The following SZRD1 variants were observed in gnomAD, a reference collection of about 807,000 sequenced individuals.
SZRD1 encodes the protein SUZ RNA-binding domain-containing.
SZRD1 carries 7 observed loss-of-function variants against 17.6 expected under a neutral mutation model. The ratio of observed to expected loss-of-function variants is 0.40; its 90% CI spans 0.23 to 0.75. The LOEUF is 0.75. Ranked by LOEUF, SZRD1 falls within the 30% of genes least tolerant of loss-of-function variation. The pLI is 0.38. For missense variants in SZRD1, 178 were observed against 201.8 expected (o/e 0.88, Z 0.71); for synonymous variants, 77 against 77.9 (o/e 0.99, Z 0.06).
At position 16,393,599 on chromosome 1, in the gene SZRD1, T is replaced by A; in HGVS notation, c.356+117T>A. ...GCAAGCAGAGTCAGGGTAGGAACCA[T>A]GCAGCTCCACTTGCTGATCCCAGCC... On this transcript the variant is annotated intron_variant, in intron 3 of 3. Transcript: ENST00000401088. This position sits in a 1 kb window ranked among gnomAD's most constrained non-coding sequence, Gnocchi z 5.6. 1 of 1,151,004 alleles carries A rather than the reference T, an allele frequency of 8.7e-7. No individual in the cohort carries two copies. The allele number at this position is 1,151,004 out of a possible 1,614,324, so 71.3% of individuals were successfully genotyped here. A position where few individuals can be genotyped will look rare whatever the true frequency, so the allele number is the denominator to read the frequency against.
At position 16,389,050 on chromosome 1, in the gene SZRD1, T is replaced by TGCA. The variant is rs373744124; in HGVS notation, c.52-2324_52-2322dup. Among the ~76,000 whole-genome samples the TGCA allele has an allele frequency of 1.4e-3, 207 of 150,444 alleles. 1 individual carries two copies. The highest frequency in any genetic ancestry group is 4.9e-3 in the African/African-American group (203 of 41,022). On this transcript the variant is annotated intron_variant, in intron 1 of 3. Transcript: ENST00000401088. ...TAGCTAACCAGCTTGAACTTTGAACTGCACCCATCAACTGGAGAATAGTTA... is the reference window on the plus strand; with the variant it reads ...TAGCTAACCAGCTTGAACTTTGAACTGCAGCACCCATCAACTGGAGAATAGTTA...
rs1192599469 is a variant in SZRD1 at position 16,393,442 on chromosome 1, G to A, written c.316G>A (p.Ala106Thr). Residue 106 changes from alanine (A) to threonine (T), a missense_variant, in exon 3 of 4, where the codon GCC becomes ACC. Around this residue, in one of 3 missense-constraint regions of SZRD1, gnomAD observed 57 missense variants for 71.9 expected, o/e 0.79. Coordinates refer to ENST00000401088, the MANE Select transcript of SZRD1 (RefSeq NM_001114600.3). The surrounding 1 kb of genome is among the most constrained non-coding windows in gnomAD (Gnocchi z 5.6). ...AEARKRILGS[A>T]SPEEEQEKPI... is the part of the protein sequence containing the mutation. ...GGCCCGGAAGCGGATCCTGGGCAGCGCCAGCCCCGAGGAGGAGCAGGAGAA... is the reference window on the plus strand; with the variant it reads ...GGCCCGGAAGCGGATCCTGGGCAGCACCAGCCCCGAGGAGGAGCAGGAGAA... 4 of 1,613,636 alleles carry A rather than the reference G, an allele frequency of 2.5e-6. No individual in the cohort carries two copies. Among genetic ancestry groups the A allele is most frequent in the East Asian group, 2.2e-5 (1 of 44,874 alleles).
chr1:16,373,602 A>C (rs1569999105), intron 1 of SZRD1, among the ~76,000 whole-genome samples: 10 of 144,480 alleles, frequency 6.9e-5, no homozygotes, highest in Admixed American at 6.8e-5. Context: ...AAAACAAAAC[A>C]CGTTTTTTTT....
chr1:16,383,912 C>G (rs2083147975), intron 1 of SZRD1, among the ~76,000 whole-genome samples: 1 of 152,210 alleles, frequency 6.6e-6, no homozygotes, highest in Non-Finnish European at 1.5e-5. Flanking sequence ...GCCACCGCGG[C>G]TGGCCAGTTT....
chr1:16,382,190 T>G (rs1488736965), intron 1 of SZRD1, among the ~76,000 whole-genome samples: 2 of 141,006 alleles, frequency 1.4e-5, no homozygotes, highest in African/African-American at 2.9e-5. Context: ...CATGGGTGGG[T>G]TTTTTTTTTC....
At chr1:16,390,485 C>T (rs1557630849) in intron 1 of SZRD1, 1 of 152,180 alleles carries the variant, frequency 6.6e-6, no homozygotes. Flanking sequence ...TTAATCAAGA[C>T]CTGTCAGGCT....
chr1:16,374,166 T>C (rs1006003633), intron 1 of SZRD1, among the ~76,000 whole-genome samples: 3 of 152,210 alleles, frequency 2.0e-5, no homozygotes, highest in African/African-American at 7.2e-5. Context: ...ATTTAAGATT[T>C]GTGGTATCAC....
At chr1:16,389,182 C>T (rs938265111) in intron 1 of SZRD1, among the ~76,000 whole-genome samples, 1 of 146,914 alleles carries the variant, frequency 6.8e-6, no homozygotes, top group Non-Finnish European at 1.5e-5. Flanking sequence ...CTCCCAGGTT[C>T]ACGCCATCCT....
intron 1 of SZRD1, among the ~76,000 whole-genome samples, chr1:16,375,946 G>A (rs192497152): frequency 3.9e-5 from 6 of 152,166 alleles, no homozygotes; most frequent in Admixed American, 2.0e-4. Flanking sequence ...TAGTGTTTCT[G>A]CTATCTAGTT....
At chr1:16,379,856 G>A (rs2083068429) in intron 1 of SZRD1, among the ~76,000 whole-genome samples, 1 of 151,082 alleles carries the variant, frequency 6.6e-6, no homozygotes, top group Admixed American at 6.6e-5. Context: ...TGCCTCTCGG[G>A]TTCAAGCAAT....
intron 1 of SZRD1, among the ~76,000 whole-genome samples, chr1:16,377,882 C>G (rs1310937841): frequency 3.3e-5 from 5 of 152,298 alleles, no homozygotes; most frequent in Non-Finnish European, 7.3e-5. Flanking sequence ...AGTGTAGCCT[C>G]TATCTGGTTT....
intron 1 of SZRD1, among the ~76,000 whole-genome samples, chr1:16,389,388 C>T (rs145622735): frequency 0.027 from 4,048 of 151,036 alleles, 177 homozygotes; most frequent in African/African-American, 0.092. Context: ...CCTCAGCCTT[C>T]TGAGTAGCTG....
At chr1:16,392,368 AT>A (rs1419023263) in intron 2 of SZRD1, among the ~76,000 whole-genome samples, 2 of 152,156 alleles carry the variant, frequency 1.3e-5, no homozygotes, top group East Asian at 1.9e-4. Flanking sequence ...TCGGGTGGTC[AT>A]TCCTGCCTGG....
At position 16,395,984 on chromosome 1, in the gene SZRD1, T is replaced by C. The variant is rs1347532518; in HGVS notation, c.*844T>C. On this transcript the variant is annotated 3_prime_UTR_variant, in exon 4 of 4. Transcript: ENST00000401088. ...ACCCCACCTCTAGTATTTTGGGAGA[T>C]AGGGAAAGTGAACCGACTTCCCCTT... is the stretch of plus-strand genomic sequence containing the variant. The C allele has an allele frequency of 7.2e-5, 11 of 152,602 alleles. No homozygotes were observed. The highest frequency in any genetic ancestry group is 4.4e-5 in the Non-Finnish European group (3 of 68,062). 9.5% of individuals were successfully genotyped at this position (152,602 alleles called of 1,614,324 possible). A position where few individuals can be genotyped will look rare whatever the true frequency, so the allele number is the denominator to read the frequency against.
intron 1 of SZRD1, among the ~76,000 whole-genome samples, chr1:16,376,509 CAT>C (rs1157051989): frequency 6.6e-6 from 1 of 152,042 alleles, no homozygotes; most frequent in African/African-American, 2.4e-5. Context: ...AAAAAGATAA[CAT>C]AAATAATTAT....
intron 1 of SZRD1, among the ~76,000 whole-genome samples, chr1:16,383,740 C>T (rs887062300): frequency 3.3e-5 from 5 of 151,576 alleles, no homozygotes; most frequent in Non-Finnish European, 5.9e-5. Flanking sequence ...CTGCCTCAGC[C>T]TCCTGAGTAG....
rs1570000113 is a variant in SZRD1, at chr1:16,373,962, G to C, written c.51+6654G>C. 2.6e-5 allele frequency among the ~76,000 whole-genome samples: 4 copies of C among 152,236 alleles called. No individual in the cohort carries two copies. The South Asian group carries it at 8.3e-4, about 32-fold the overall frequency. ...GATTTTCTTCTCTTTCTTTGGAGAA[G>C]AGGCCATTCTCCCCAAAGTGTGACT... On this transcript the variant is annotated intron_variant, in intron 1 of 3. Transcript: ENST00000401088.
intron 1 of SZRD1, among the ~76,000 whole-genome samples, chr1:16,371,741 G>A (rs1405396469): frequency 1.3e-5 from 2 of 151,926 alleles, no homozygotes; most frequent in African/African-American, 2.4e-5. Flanking sequence ...GATTACAGGC[G>A]TGAGCTGCTG....
chr1:16,373,107 G>A (rs2082940839), intron 1 of SZRD1, among the ~76,000 whole-genome samples: 1 of 152,058 alleles, frequency 6.6e-6, no homozygotes, highest in South Asian at 2.1e-4. Context: ...AGGGGAGAGG[G>A]TTGGCAGGGT....
Sources: allele counts gnomAD v4.1 joint callset (sites outside exome capture counted in the v4.1 genomes callset), GRCh38; gene constraint gnomAD v4.1.1; regional missense constraint gnomAD v4.1.1; non-coding constraint Gnocchi (gnomAD v3.1); transcripts MANE v1.5; gene names NCBI Gene and HGNC (gene_info 2026-07-23, HGNC 2026-07-21).